ASAP2: variants seen among roughly 807,000 people sequenced by gnomAD.
ASAP2 encodes the protein ArfGAP with SH3 domain, ankyrin repeat and PH domain 2, also known as arf-GAP with SH3 domain, ANK repeat and PH domain-containing protein 2.
A neutral mutation model predicts 131.4 loss-of-function variants in ASAP2; 45 were observed. That is an observed-to-expected ratio of 0.34 (90% CI 0.27 to 0.44). The LOEUF (loss-of-function observed/expected upper bound fraction) is 0.44, where lower values mean the gene tolerates loss of function less well. ASAP2 is among the 20% of genes least tolerant of loss of function. ASAP2 has a pLI of 1.00. For synonymous variants in ASAP2, 510 were observed against 503.0 expected (o/e 1.01, Z -0.19); for missense variants, 1,011 against 1,297.0 (o/e 0.78, Z 3.39).
intron 3 of ASAP2, among the ~76,000 whole-genome samples, chr2:9,303,479 C>T (rs1192832993): frequency 2.6e-5 from 4 of 152,066 alleles, no homozygotes; most frequent in African/African-American, 7.2e-5. Flanking sequence ...CCATAGGCTT[C>T]GCTTGAGGAG....
intron 1 of ASAP2, among the ~76,000 whole-genome samples, chr2:9,220,780 AGTTTC>A (rs1169660735): frequency 6.6e-6 from 1 of 152,160 alleles, no homozygotes; most frequent in Non-Finnish European, 1.5e-5. Flanking sequence ...TCTGTTTTAT[AGTTTC>A]AGTTCTTACA....
At chr2:9,292,560 C>T (rs1667885197) in intron 2 of ASAP2, among the ~76,000 whole-genome samples, 1 of 152,036 alleles carries the variant, frequency 6.6e-6, no homozygotes, top group Non-Finnish European at 1.5e-5. Flanking sequence ...AAAGTATTAA[C>T]AGTGGGAACA....
At chr2:9,387,579 C>T (rs1430750348) in intron 21 of ASAP2, among the ~76,000 whole-genome samples, 1 of 152,132 alleles carries the variant, frequency 6.6e-6, no homozygotes, top group South Asian at 2.1e-4. Flanking sequence ...GAGCTGGCCA[C>T]CCTGTGGGGT....
chr2:9,326,405 A>G (rs1055060757), intron 6 of ASAP2, among the ~76,000 whole-genome samples: 2 of 152,196 alleles, frequency 1.3e-5, no homozygotes, highest in African/African-American at 4.8e-5. Context: ...CTTTCTTCAA[A>G]ATTCATTTAA....
intron 1 of ASAP2, among the ~76,000 whole-genome samples, chr2:9,223,959 C>T (rs191377421): frequency 7.9e-5 from 12 of 152,278 alleles, no homozygotes; most frequent in African/African-American, 1.7e-4. Context: ...CTGGGATGCA[C>T]GTAATCCACT....
Position 9,329,755 on chromosome 2 carries a change from C to T in ASAP2, c.686+1844C>T, listed in dbSNP as rs10187824. On this transcript the variant is annotated intron_variant, in intron 7 of 27. Transcript: ENST00000281419. The stretch of plus-strand genomic sequence containing the variant: ...GGAATTGCCATGCCTGTCTGCTTAC[C>T]TTCCCAGAGCAGGCTGTGCCACCAG... Among the ~76,000 whole-genome samples, 704 of 152,290 alleles carry T rather than the reference C, an allele frequency of 4.6e-3. 8 individuals are homozygous for T. The highest frequency in any genetic ancestry group is 0.015 in the African/African-American group (640 of 41,558).
At chr2:9,375,202 G>A (rs746797916) in intron 17 of ASAP2, among the ~76,000 whole-genome samples, 6 of 151,810 alleles carry the variant, frequency 4.0e-5, no homozygotes, top group Admixed American at 3.3e-4. Flanking sequence ...GGAATCGGTT[G>A]AGCCCAGAAA....
chr2:9,217,358 C>T lies in ASAP2; in HGVS notation c.126+10128C>T, dbSNP rs1416806360. The stretch of plus-strand genomic sequence containing the variant: ...TGCTCTGCTGACATGCCCAGCCCCA[C>T]GGAGCAGAGTGGCCAGGGGCATTGC... On this transcript the variant is annotated intron_variant, in intron 1 of 27. Coordinates refer to ENST00000281419, the MANE Select transcript of ASAP2 (RefSeq NM_003887.3). The surrounding 1 kb of genome is among the most constrained non-coding windows in gnomAD (Gnocchi z 4.0). 2.0e-5 allele frequency among the ~76,000 whole-genome samples: 3 copies of T among 152,212 alleles called. No individual in the cohort carries two copies. The highest frequency in any genetic ancestry group is 1.5e-5 in the Non-Finnish European group (1 of 68,040).
chr2:9,334,925 G>A, intron 8 of ASAP2, 112 bp downstream of exon 8: 1 of 1,387,362 alleles, frequency 7.2e-7, no homozygotes, highest in Admixed American at 1.8e-5. Context: ...CGCCCACGTG[G>A]AGTGTGGCGT....
chr2:9,218,234 G>A (rs1382183591), intron 1 of ASAP2, among the ~76,000 whole-genome samples: 1 of 152,186 alleles, frequency 6.6e-6, no homozygotes, highest in Non-Finnish European at 1.5e-5. Context: ...CTTAGTGCAG[G>A]TTAATGATGG....
intron 1 of ASAP2, among the ~76,000 whole-genome samples, chr2:9,278,720 G>A (rs1200582759): frequency 1.3e-5 from 2 of 152,154 alleles, no homozygotes; most frequent in Non-Finnish European, 2.9e-5. Context: ...ATATATGAGA[G>A]TACCTCTATC....
chr2:9,381,062 A>G (rs1265022072), intron 20 of ASAP2, among the ~76,000 whole-genome samples: 1 of 152,210 alleles, frequency 6.6e-6, no homozygotes, highest in African/African-American at 2.4e-5. Flanking sequence ...TGTTGGTAAC[A>G]TCACTGCTGT....
chr2:9,331,767 T>C (rs80177391), intron 7 of ASAP2, among the ~76,000 whole-genome samples: 4 of 151,232 alleles, frequency 2.6e-5, no homozygotes, highest in Non-Finnish European at 4.4e-5. Context: ...TTTTTTTTTT[T>C]CAAAAAAAAT....
intron 2 of ASAP2, among the ~76,000 whole-genome samples, chr2:9,295,515 C>A (rs1230279711): frequency 6.6e-6 from 1 of 152,226 alleles, no homozygotes; most frequent in Non-Finnish European, 1.5e-5. Flanking sequence ...CATCTCCCAG[C>A]AGGTTTTTAT....
At chr2:9,368,858 A>G (rs772672391) in intron 16 of ASAP2, among the ~76,000 whole-genome samples, 2 of 150,044 alleles carry the variant, frequency 1.3e-5, no homozygotes, top group African/African-American at 2.5e-5. Context: ...GTCTCTCTGC[A>G]TAATCCTGAG....
At chr2:9,357,512 TTGGCAGGAGA>T (rs1672799872) in intron 14 of ASAP2, among the ~76,000 whole-genome samples, 1 of 152,088 alleles carries the variant, frequency 6.6e-6, no homozygotes, top group Non-Finnish European at 1.5e-5. Flanking sequence ...AAATACGTTT[TTGGCAGGAGA>T]TGAGGTAGGG....
chr2:9,278,237 A>G (rs1172082643), intron 1 of ASAP2, among the ~76,000 whole-genome samples: 2 of 152,142 alleles, frequency 1.3e-5, no homozygotes, highest in African/African-American at 4.8e-5. Flanking sequence ...TATGTTGTTT[A>G]AGTGGGTTAA....
At chr2:9,374,671 C>G (rs981281634) in intron 16 of ASAP2, 84 bp from the exon 17 acceptor site, 7 of 1,338,476 alleles carry the variant, frequency 5.2e-6, no homozygotes, top group Non-Finnish European at 7.1e-6. Context: ...GCGCAGGAAC[C>G]GTTAACATGG....
At chr2:9,378,910 A>G (rs757020134) in intron 18 of ASAP2, 34 bp from the exon 19 acceptor site, 3 of 1,377,872 alleles carry the variant, frequency 2.2e-6, no homozygotes, top group South Asian at 1.9e-5. Context: ...CCTGTGACAC[A>G]CTATGCTCTC....
Sources: gnomAD v4.1 joint callset for allele counts (sites outside exome capture counted in the v4.1 genomes callset) on GRCh38, gnomAD v4.1.1 for gene constraint, Gnocchi (gnomAD v3.1) non-coding constraint, MANE v1.5 for transcripts, NCBI Gene and HGNC (gene_info 2026-07-23, HGNC 2026-07-21) for gene names.